The following SLC25A17 variants were observed in gnomAD, a reference collection of about 807,000 sequenced individuals.
SLC25A17 encodes the protein solute carrier family 25 member 17, also known as peroxisomal membrane protein PMP34.
A neutral mutation model predicts 38.5 loss-of-function variants in SLC25A17; 26 were observed. That is an observed-to-expected ratio of 0.68 (90% confidence interval 0.50 to 0.94). The LOEUF (loss-of-function observed/expected upper bound fraction) is 0.94, where lower values mean the gene tolerates loss of function less well. Among genes scored for constraint, SLC25A17 ranks in the 40% least tolerant of loss-of-function variants. The probability of loss-of-function intolerance (pLI) is 0.00; values close to 1 mark genes in which losing one functional copy is unlikely to be tolerated. For synonymous variants in SLC25A17, 139 were observed against 136.2 expected (o/e 1.02, Z -0.14); for missense variants, 333 against 372.7 (o/e 0.89, Z 0.88).
chr22:40,770,703 T>C lies in SLC25A17; in HGVS notation c.*131A>G. On this transcript the variant is annotated 3_prime_UTR_variant, in exon 9 of 9. Coordinates refer to ENST00000435456, the MANE Select transcript of SLC25A17 (RefSeq NM_006358.4). ...GTTGGCCATACTCCCTGTGCACCCT[T>C]GGATGCTTTTCAAGCCAATGAGGGT... 1 of 944,044 alleles carries C rather than the reference T, an allele frequency of 1.1e-6. No homozygotes were observed. The highest frequency in any genetic ancestry group is 1.5e-6 in the Non-Finnish European group (1 of 662,496). 58.5% of individuals were successfully genotyped at this position (944,044 alleles called of 1,614,324 possible).
chr22:40,810,451 G>C (rs1311401348), intron 1 of SLC25A17, among the ~76,000 whole-genome samples: 1 of 150,840 alleles, frequency 6.6e-6, no homozygotes, highest in Non-Finnish European at 1.5e-5. Context: ...GGGTTCAAGT[G>C]ATTCTCCTGC....
In SLC25A17 at chr22:40,789,583, T is replaced by C. The variant is rs900257496; in HGVS notation, c.334+2942A>G. Among the ~76,000 whole-genome samples, 3 of 152,142 alleles carry C rather than the reference T, an allele frequency of 2.0e-5. No individual in the cohort carries two copies. The highest frequency in any genetic ancestry group is 1.3e-4 in the Admixed American group (2 of 15,278). ...GTGCAGTGGCATGATCTTGGCTCAC[T>C]GCAACCTCTGCCTGCCAGGTTCAAA... On this transcript the variant is annotated intron_variant, in intron 4 of 8. Transcript: ENST00000435456. This position sits in a 1 kb window ranked among gnomAD's most constrained non-coding sequence, Gnocchi z 4.5.
chr22:40,787,271 T>C (rs1385571942), intron 4 of SLC25A17, among the ~76,000 whole-genome samples: 2 of 152,186 alleles, frequency 1.3e-5, no homozygotes, highest in East Asian at 1.9e-4. Context: ...GGTTACTACA[T>C]GGCTTGGTAC....
Position 40,793,150 on chromosome 22 carries a change from G to A in SLC25A17, c.183-474C>T, listed in dbSNP as rs542007119. Among the ~76,000 whole-genome samples the A allele has an allele frequency of 2.6e-5, 4 of 151,720 alleles. No individual in the cohort carries two copies. In the East Asian group the frequency reaches 7.7e-4, roughly 29 times the overall value. On this transcript the variant is annotated intron_variant, in intron 3 of 8. Coordinates refer to ENST00000435456, the MANE Select transcript of SLC25A17 (RefSeq NM_006358.4). ...GCAATTTGAATACCAAAATAATGAA[G>A]TACAGTAATCAATTGTAAACCATTG... is the stretch of plus-strand genomic sequence containing the variant.
intron 1 of SLC25A17, among the ~76,000 whole-genome samples, chr22:40,800,910 T>C (rs2145689034): frequency 6.6e-6 from 1 of 151,812 alleles, no homozygotes; most frequent in East Asian, 1.9e-4. Context: ...GATACCACCC[T>C]GACCAACATG....
At chr22:40,779,412 C>T (rs751390324) in intron 4 of SLC25A17, 11 of 687,322 alleles carry the variant, frequency 1.6e-5, no homozygotes, top group Non-Finnish European at 2.3e-5. Flanking sequence ...AATTTATATA[C>T]CATTCAAAGT....
intron 1 of SLC25A17, among the ~76,000 whole-genome samples, chr22:40,800,134 C>T (rs1295320108): frequency 6.6e-6 from 1 of 152,068 alleles, no homozygotes; most frequent in African/African-American, 2.4e-5. Context: ...AATCTCTTTG[C>T]CAACAATTCT....
intron 4 of SLC25A17, among the ~76,000 whole-genome samples, chr22:40,788,155 C>T (rs1292336924): frequency 1.3e-5 from 2 of 152,200 alleles, no homozygotes; most frequent in Non-Finnish European, 2.9e-5. Flanking sequence ...CTTTTCATCA[C>T]AAACTAGTGA....
At chr22:40,783,892 CAG>C (rs1313868554) in intron 4 of SLC25A17, among the ~76,000 whole-genome samples, 1 of 151,914 alleles carries the variant, frequency 6.6e-6, no homozygotes, top group African/African-American at 2.4e-5. Flanking sequence ...TTTTAGTAGA[CAG>C]GGGGTTTCGC....
At chr22:40,815,696 C>A (rs2057632127) in intron 1 of SLC25A17, among the ~76,000 whole-genome samples, 1 of 152,156 alleles carries the variant, frequency 6.6e-6, no homozygotes, top group Non-Finnish European at 1.5e-5. Context: ...CCACAAGAAC[C>A]CAGTTAAGTG....
intron 5 of SLC25A17, among the ~76,000 whole-genome samples, chr22:40,778,091 C>G (rs928450112): frequency 2.6e-5 from 4 of 152,146 alleles, no homozygotes; most frequent in Non-Finnish European, 5.9e-5. Context: ...TATTTCACTA[C>G]AAAGATTGAT....
intron 4 of SLC25A17, among the ~76,000 whole-genome samples, chr22:40,791,814 T>C (rs1394973918): frequency 6.6e-6 from 1 of 152,196 alleles, no homozygotes; most frequent in Admixed American, 6.5e-5. Context: ...TACAGTGTTA[T>C]GGAAAACAGT....
chr22:40,795,578 C>A (rs1452944642), intron 2 of SLC25A17, among the ~76,000 whole-genome samples: 2 of 152,220 alleles, frequency 1.3e-5, no homozygotes, highest in African/African-American at 4.8e-5. Context: ...GCGTGAGCCA[C>A]CACGCCCAGC....
chr22:40,776,901 G>T, intron 7 of SLC25A17, 139 bp downstream of exon 7: 1 of 756,514 alleles, frequency 1.3e-6, no homozygotes, highest in Non-Finnish European at 2.1e-6. Flanking sequence ...CTCAAAAAAA[G>T]AAAAGAAAAA....
intron 4 of SLC25A17, chr22:40,779,473 A>G: frequency 1.9e-6 from 1 of 512,832 alleles, no homozygotes; most frequent in Non-Finnish European, 3.4e-6. Flanking sequence ...AGCTTTAGAG[A>G]TGAGAGTGGC....
chr22:40,815,259 T>C (rs1394815226), intron 1 of SLC25A17, among the ~76,000 whole-genome samples: 1 of 152,200 alleles, frequency 6.6e-6, no homozygotes, highest in Non-Finnish European at 1.5e-5. Context: ...CAGAAGCAGA[T>C]ACTAGGTTAA....
chr22:40,794,617 T>TAA (rs202241799), intron 2 of SLC25A17, 37 bp from the exon 3 acceptor site: 2 of 1,406,076 alleles, frequency 1.4e-6, no homozygotes, highest in East Asian at 2.5e-5. Context: ...TTTTATTAAT[T>TAA]AAAAAAAAAA....
At position 40,796,898 on chromosome 22, in the gene SLC25A17, G is replaced by A. The variant is rs542345728; in HGVS notation, c.115+2125C>T. On this transcript the variant is annotated intron_variant, in intron 2 of 8. Coordinates refer to ENST00000435456, the MANE Select transcript of SLC25A17 (RefSeq NM_006358.4). ...AGACAGACGAAGACGCTCCCAATGCGCTGATTCAGAAGGCATCTAAAACAT... is the reference window on the plus strand; with the variant it reads ...AGACAGACGAAGACGCTCCCAATGCACTGATTCAGAAGGCATCTAAAACAT... 7.7e-4 allele frequency among the ~76,000 whole-genome samples: 117 copies of A among 152,252 alleles called. 1 individual carries two copies. The highest frequency in any genetic ancestry group is 2.1e-3 in the South Asian group (10 of 4,832).
At chr22:40,782,386 T>C (rs968475085) in intron 4 of SLC25A17, among the ~76,000 whole-genome samples, 2 of 152,216 alleles carry the variant, frequency 1.3e-5, no homozygotes, top group African/African-American at 4.8e-5. Flanking sequence ...TCTTTCTTTC[T>C]TTTATGTAAC....
Sources: gnomAD v4.1 joint callset for allele counts (sites outside exome capture counted in the v4.1 genomes callset) on GRCh38, gnomAD v4.1.1 for gene constraint, Gnocchi (gnomAD v3.1) non-coding constraint, MANE v1.5 for transcripts, NCBI Gene and HGNC (gene_info 2026-07-23, HGNC 2026-07-21) for gene names.